The following TTBK2 variants were observed in gnomAD, a reference collection of about 807,000 sequenced individuals.
TTBK2 encodes the protein tau tubulin kinase 2, also known as tau-tubulin kinase 2.
Under a neutral mutation model 110.8 loss-of-function variants are expected in TTBK2, and 28 were observed. The observed-to-expected ratio is 0.25, with a 90% CI of 0.19 to 0.35. The LOEUF is 0.35. Among genes scored for constraint, TTBK2 ranks in the 10% least tolerant of loss-of-function variants. The pLI is 1.00. For missense variants in TTBK2, 1,369 were observed against 1,500.3 expected (o/e 0.91, Z 1.45); for synonymous variants, 532 against 527.3 (o/e 1.01, Z -0.12).
At chr15:42,834,900 G>GA (rs979761259) in intron 4 of TTBK2, among the ~76,000 whole-genome samples, 2 of 151,932 alleles carry the variant, frequency 1.3e-5, no homozygotes, top group Admixed American at 1.3e-4. Context: ...TGCAATAATT[G>GA]AAAGACATCA....
chr15:42,802,547 A>G (rs879300845), intron 9 of TTBK2: 11 of 438,068 alleles, frequency 2.5e-5, no homozygotes, highest in Non-Finnish European at 4.2e-5. Context: ...AACTGCACCC[A>G]TCCTCTAACA....
chr15:42,863,633 C>T (rs1894246928), intron 3 of TTBK2, among the ~76,000 whole-genome samples: 1 of 152,190 alleles, frequency 6.6e-6, no homozygotes, highest in Admixed American at 6.5e-5. Context: ...CCAAAGCAGT[C>T]TTAAGCAAAA....
At chr15:42,894,078 T>C (rs925165073) in intron 1 of TTBK2, among the ~76,000 whole-genome samples, 1 of 152,226 alleles carries the variant, frequency 6.6e-6, no homozygotes, top group African/African-American at 2.4e-5. Flanking sequence ...CATGATGCTG[T>C]TCTCATGATG....
Position 42,742,607 on chromosome 15 carries a change from C to T in TTBK2, c.*3188G>A, listed in dbSNP as rs927026551. ...TGCTAATTCTACCTTCTGTTCCACT[C>T]AAGTACCTCCAGGGACTAACAAGGG... On this transcript the variant is annotated 3_prime_UTR_variant, in exon 15 of 15. Coordinates refer to ENST00000267890, the MANE Select transcript of TTBK2 (RefSeq NM_173500.4). 1 of 152,224 alleles carries T rather than the reference C, an allele frequency of 6.6e-6. No homozygotes were observed. The highest frequency in any genetic ancestry group is 1.9e-4 in the East Asian group (1 of 5,200). 9.4% of individuals were successfully genotyped at this position (152,224 alleles called of 1,614,324 possible). A position where few individuals can be genotyped will look rare whatever the true frequency, so the allele number is the denominator to read the frequency against.
At chr15:42,898,623 G>C (rs1350788841) in intron 1 of TTBK2, among the ~76,000 whole-genome samples, 8 of 151,842 alleles carry the variant, frequency 5.3e-5, no homozygotes, top group African/African-American at 1.9e-4. Flanking sequence ...CCTAAACTCT[G>C]ACTACTGGCC....
chr15:42,771,586 C>T (rs1363600582), intron 13 of TTBK2, among the ~76,000 whole-genome samples: 2 of 152,108 alleles, frequency 1.3e-5, no homozygotes, highest in Admixed American at 1.3e-4. Context: ...CAACTAACTG[C>T]TAATTTAAAT....
chr15:42,822,793 G>A (rs571919619), intron 6 of TTBK2, among the ~76,000 whole-genome samples: 1 of 152,344 alleles, frequency 6.6e-6, no homozygotes, highest in South Asian at 2.1e-4. Context: ...CCTGAAAGGA[G>A]AAGACAGAGA....
At chr15:42,879,646 A>G (rs1894960013) in intron 1 of TTBK2, among the ~76,000 whole-genome samples, 1 of 152,114 alleles carries the variant, frequency 6.6e-6, no homozygotes, top group Non-Finnish European at 1.5e-5. Flanking sequence ...ATTTACAAAA[A>G]AAAAAAAAAG....
At chr15:42,782,116 G>C (rs11632809) in intron 11 of TTBK2, among the ~76,000 whole-genome samples, 31,300 of 151,896 alleles carry the variant, frequency 0.21, 3,332 homozygotes, top group Admixed American at 0.28. Context: ...CTGTCATCCA[G>C]GCTGGAGTGC....
chr15:42,868,415 G>T (rs1407753939), intron 3 of TTBK2, among the ~76,000 whole-genome samples: 3 of 152,126 alleles, frequency 2.0e-5, no homozygotes, highest in Non-Finnish European at 2.9e-5. Context: ...CAGCTGTGGG[G>T]ATGATGATAC....
intron 11 of TTBK2, among the ~76,000 whole-genome samples, chr15:42,777,924 A>G (rs1890002616): frequency 6.6e-6 from 1 of 152,148 alleles, no homozygotes; most frequent in Non-Finnish European, 1.5e-5. Flanking sequence ...TACTCAGGGT[A>G]GCAGCAGAAA....
intron 3 of TTBK2, among the ~76,000 whole-genome samples, chr15:42,846,610 C>G (rs1725087811): frequency 6.6e-6 from 1 of 152,214 alleles, no homozygotes; most frequent in African/African-American, 2.4e-5. Flanking sequence ...TGGTACTTGT[C>G]ACCTGGTTTC....
intron 13 of TTBK2, among the ~76,000 whole-genome samples, chr15:42,757,595 C>A (rs1025240887): frequency 2.0e-5 from 3 of 152,090 alleles, no homozygotes; most frequent in African/African-American, 7.2e-5. Context: ...AAGGAGAAAA[C>A]CTAGGATCAG....
intron 9 of TTBK2, among the ~76,000 whole-genome samples, chr15:42,807,763 T>C (rs933439239): frequency 6.6e-5 from 10 of 152,164 alleles, no homozygotes; most frequent in African/African-American, 2.4e-4. Flanking sequence ...GTTGTTATAA[T>C]ATTCAGAATC....
At chr15:42,843,798 A>T (rs964564767) in intron 3 of TTBK2, among the ~76,000 whole-genome samples, 14 of 150,904 alleles carry the variant, frequency 9.3e-5, no homozygotes, top group African/African-American at 2.9e-4. Flanking sequence ...GTAACTTCTC[A>T]ATTGCCCCTA....
At chr15:42,829,548 G>C (rs1342800880) in intron 5 of TTBK2, among the ~76,000 whole-genome samples, 1 of 152,214 alleles carries the variant, frequency 6.6e-6, no homozygotes, top group Non-Finnish European at 1.5e-5. Context: ...TTAAGAGACA[G>C]GGTCTCACTA....
chr15:42,839,416 G>T (rs1230087016), intron 4 of TTBK2, among the ~76,000 whole-genome samples: 2 of 152,166 alleles, frequency 1.3e-5, no homozygotes, highest in Non-Finnish European at 2.9e-5. Flanking sequence ...ACACATAAGT[G>T]CATGTGTCTT....
At position 42,742,866 on chromosome 15, in the gene TTBK2, C is replaced by T. The variant is rs983181542; in HGVS notation, c.*2929G>A. On this transcript the variant is annotated 3_prime_UTR_variant, in exon 15 of 15. Coordinates refer to ENST00000267890, the MANE Select transcript of TTBK2 (RefSeq NM_173500.4). ...TGAAATATGCCATCACTAAGAGAACCCCCAAATAAAAAATAAAGAACTAAA... is the reference window on the plus strand; with the variant it reads ...TGAAATATGCCATCACTAAGAGAACTCCCAAATAAAAAATAAAGAACTAAA... The T allele has an allele frequency of 6.6e-6, 1 of 151,962 alleles. No homozygotes were observed. Among genetic ancestry groups the T allele is most frequent in the Non-Finnish European group, 1.5e-5 (1 of 67,976 alleles). 9.4% of individuals were successfully genotyped at this position (151,962 alleles called of 1,614,324 possible). A position where few individuals can be genotyped will look rare whatever the true frequency, so the allele number is the denominator to read the frequency against.
intron 1 of TTBK2, among the ~76,000 whole-genome samples, chr15:42,884,614 G>A (rs906720029): frequency 2.0e-5 from 3 of 152,188 alleles, no homozygotes; most frequent in Admixed American, 6.5e-5. Context: ...TAGAGGGCTG[G>A]AACTTTCGGC....
Sources: allele counts gnomAD v4.1 joint callset (sites outside exome capture counted in the v4.1 genomes callset), GRCh38; gene constraint gnomAD v4.1.1; transcripts MANE v1.5; gene names NCBI Gene and HGNC (gene_info 2026-07-23, HGNC 2026-07-21).